LIN7B: variants seen among roughly 807,000 people sequenced by gnomAD.
LIN7B encodes the protein protein lin-7 homolog B.
A neutral mutation model predicts 27.9 loss-of-function variants in LIN7B; 16 were observed. The ratio of observed to expected loss-of-function variants is 0.57; its 90% CI spans 0.39 to 0.87. The LOEUF (loss-of-function observed/expected upper bound fraction) is 0.87, where lower values mean the gene tolerates loss of function less well. Ranked by LOEUF, LIN7B falls within the 40% of genes least tolerant of loss-of-function variation. The probability of loss-of-function intolerance (pLI) is 0.00; values close to 1 mark genes in which losing one functional copy is unlikely to be tolerated. For synonymous variants in LIN7B, 147 were observed against 120.8 expected (o/e 1.22, Z -1.42); for missense variants, 291 against 288.5 (o/e 1.01, Z -0.06).
intron 5 of LIN7B, 112 bp from the exon 6 acceptor site, chr19:49,118,240 T>C: frequency 7.2e-7 from 1 of 1,381,130 alleles, no homozygotes. Context: ...CTACTGTGGC[T>C]GGGATCCCTC....
chr19:49,116,561 A>AGT, intron 4 of LIN7B, 89 bp downstream of exon 4: 1 of 1,195,638 alleles, frequency 8.4e-7, no homozygotes. Flanking sequence ...ACACACACTG[A>AGT]GTGTTGTCTG....
intron 4 of LIN7B, 43 bp downstream of exon 4, chr19:49,116,515 T>C (rs1264178060): frequency 2.0e-6 from 3 of 1,531,856 alleles, no homozygotes; most frequent in East Asian, 4.5e-5. Context: ...ACAGTCTGTC[T>C]AACGTAGCAT....
chr19:49,115,436 T>A, intron 3 of LIN7B, 105 bp downstream of exon 3: 1 of 1,015,216 alleles, frequency 9.9e-7, no homozygotes, highest in Non-Finnish European at 1.5e-6. Context: ...TGATTTTTGC[T>A]AAATCTATGT....
In LIN7B at chr19:49,114,972, G is replaced by T. The variant is rs1216723842; in HGVS notation, c.156+5G>T. On this transcript the variant is annotated splice_donor_5th_base_variant and intron_variant, in intron 2 of 5. Coordinates refer to ENST00000221459, the MANE Select transcript of LIN7B (RefSeq NM_022165.3). Reference sequence around the variant, plus strand: ...TTCTGCTCCGCTATCCGAGAGGTGAGGGGCGCGCGGCGCAGGGGCGCGAGC... The same window carrying T: ...TTCTGCTCCGCTATCCGAGAGGTGATGGGCGCGCGGCGCAGGGGCGCGAGC... 7.1e-7 allele frequency: 1 copy of T among 1,417,148 alleles called. No individual in the cohort carries two copies. Among genetic ancestry groups the T allele is most frequent in the East Asian group, 2.8e-5 (1 of 36,120 alleles). 87.8% of individuals were successfully genotyped at this position (1,417,148 alleles called of 1,614,324 possible). A position where few individuals can be genotyped will look rare whatever the true frequency, so the allele number is the denominator to read the frequency against.
Position 49,114,923 on chromosome 19 carries a change from C to G in LIN7B, c.112C>G (p.Leu38Val). Residue 38 changes from leucine (L) to valine (V), a missense_variant, in exon 2 of 6, where the codon CTC becomes GTC. By Grantham distance (32) the Leu-to-Val change is conservative. Transcript: ENST00000221459. Reference protein sequence around the residue: ...GELPPQKLQALQRVLQSRFCS... With the variant: ...GELPPQKLQAVQRVLQSRFCS... ...GCTGCCGCCGCAGAAGCTGCAGGCC[C>G]TCCAGCGAGTTCTGCAGAGCCGCTT... 6.8e-7 allele frequency: 1 copy of G among 1,472,202 alleles called. No homozygotes were observed. The highest frequency in any genetic ancestry group is 9.0e-7 in the Non-Finnish European group (1 of 1,112,914). 91.2% of individuals were successfully genotyped at this position (1,472,202 alleles called of 1,614,324 possible).
At chr19:49,115,478 T>A (rs1218567357) in intron 3 of LIN7B, 147 bp downstream of exon 3, 2 of 703,884 alleles carry the variant, frequency 2.8e-6, no homozygotes, top group South Asian at 3.8e-5. Context: ...AATCGCACAT[T>A]TTTAACTTAA....
chr19:49,116,046 T>A, intron 3 of LIN7B: 1 of 497,992 alleles, frequency 2.0e-6, no homozygotes, highest in Non-Finnish European at 3.5e-6. Context: ...AAGTATGGGG[T>A]ATTCAAGACA....
Position 49,116,482 on chromosome 19 carries a change from G to A in LIN7B, c.438+10G>A. 1 of 1,611,778 alleles carries A rather than the reference G, an allele frequency of 6.2e-7. No homozygotes were observed. The stretch of plus-strand genomic sequence containing the variant: ...GTCGGTGAACGGTGTGGTGAGTGGA[G>A]GGCTGAGGCAGGACTGGGGGACACA... On this transcript the variant is annotated intron_variant, in intron 4 of 5. Transcript: ENST00000221459.
In LIN7B at chr19:49,118,369, G is replaced by A; in HGVS notation, c.620G>A (p.Gly207Asp). The A allele has an allele frequency of 6.2e-7, 1 of 1,614,164 alleles. No individual in the cohort carries two copies. Among genetic ancestry groups the A allele is most frequent in the South Asian group, 1.1e-5 (1 of 91,084 alleles). The change falls in exon 6 of 6, where the codon GGT becomes GAT. Residue 207 changes from glycine (G) to aspartate (D), a missense_variant. Physicochemically the swap from Gly to Asp is moderately conservative, Grantham distance 94. Transcript: ENST00000221459. The part of the protein sequence containing the change: ...HQSYSSLESR[G>D] Reference sequence around the variant, plus strand: ...CCTTGCAGGTCCTTGGAGTCTCGAGGTTGAAACCACAGATCTGGACGTTCA... The same window carrying A: ...CCTTGCAGGTCCTTGGAGTCTCGAGATTGAAACCACAGATCTGGACGTTCA...
rs1282330870 is a variant in LIN7B, at chr19:49,117,413, A to G, written c.439-442A>G. Among the ~76,000 whole-genome samples the G allele has an allele frequency of 2.6e-5, 4 of 152,068 alleles. No homozygotes were observed. In the South Asian group the frequency reaches 6.2e-4, roughly 24 times the overall value. ...GGAGGGGTGAGCCAGGGATAAACTC[A>G]GCTTGCAGGTGCAGAAGGACCACTC... On this transcript the variant is annotated intron_variant, in intron 4 of 5. Coordinates refer to ENST00000221459, the MANE Select transcript of LIN7B (RefSeq NM_022165.3).
rs1156953790 is a variant in LIN7B, at chr19:49,115,295, C to T, written c.192C>T (p.Thr64=). The change falls in exon 3 of 6, where the codon ACC becomes ACT. Residue 64 remains threonine (T), a synonymous_variant. Coordinates refer to ENST00000221459, the MANE Select transcript of LIN7B (RefSeq NM_022165.3). ...YEQLYDTLDI[T]GSAEIRAHAT... is the part of the protein sequence containing the mutation. ...AGCTTTATGACACGCTGGACATCAC[C>T]GGCAGCGCCGAGATCCGAGCCCATG... 4 of 1,567,704 alleles carry T rather than the reference C, an allele frequency of 2.6e-6. No homozygotes were observed. The highest frequency in any genetic ancestry group is 1.4e-5 in the African/African-American group (1 of 73,836).
At position 49,116,432 on chromosome 19, in the gene LIN7B, G is replaced by T; in HGVS notation, c.398G>T (p.Gly133Val). The part of the protein sequence containing the change: ...IPGGVADRHG[G>V]LKRGDQLLSV... Reference sequence around the variant, plus strand: ...GGGGGTGTGGCTGACCGCCATGGAGGCCTCAAGCGTGGGGATCAACTGTTG... The same window carrying T: ...GGGGGTGTGGCTGACCGCCATGGAGTCCTCAAGCGTGGGGATCAACTGTTG... The change falls in exon 4 of 6, where the codon GGC (glycine) becomes GTC (valine). Residue 133 changes from glycine (G) to valine (V), a missense_variant. Transcript: ENST00000221459. 6.2e-7 allele frequency: 1 copy of T among 1,614,240 alleles called. No homozygotes were observed. The highest frequency in any genetic ancestry group is 8.5e-7 in the Non-Finnish European group (1 of 1,180,030).
intron 3 of LIN7B, 43 bp downstream of exon 3, chr19:49,115,374 C>G (rs757314872): frequency 1.1e-5 from 17 of 1,489,596 alleles, no homozygotes; most frequent in African/African-American, 4.2e-5. Flanking sequence ...ATTTAACTGC[C>G]TAGTCGAACT....
intron 4 of LIN7B, among the ~76,000 whole-genome samples, chr19:49,117,329 G>A (rs1212459411): frequency 2.0e-5 from 3 of 151,924 alleles, no homozygotes; most frequent in Non-Finnish European, 4.4e-5. Flanking sequence ...CAGCCATACA[G>A]GACCTGAGTG....
At chr19:49,115,193 G>A (rs1568427534) in intron 2 of LIN7B, 67 bp from the exon 3 acceptor site, 5 of 1,409,350 alleles carry the variant, frequency 3.5e-6, no homozygotes, top group Non-Finnish European at 4.9e-6. Flanking sequence ...GGGTCTAGAG[G>A]CCTGAACTCC....
Position 49,114,948 on chromosome 19 carries a change from T to G in LIN7B, c.137T>G (p.Phe46Cys). The change falls in exon 2 of 6, where the codon TTC becomes TGC. Residue 46 changes from phenylalanine (F) to cysteine (C), a missense_variant. Transcript: ENST00000221459. ...CTCCAGCGAGTTCTGCAGAGCCGCT[T>G]CTGCTCCGCTATCCGAGAGGTGAGG... ...QALQRVLQSRFCSAIREVYEQ... is the reference protein window; with the variant it reads ...QALQRVLQSRCCSAIREVYEQ... The G allele has an allele frequency of 7.0e-7, 1 of 1,433,980 alleles. No individual in the cohort carries two copies. The highest frequency in any genetic ancestry group is 9.1e-7 in the Non-Finnish European group (1 of 1,095,214). The allele number at this position is 1,433,980 out of a possible 1,614,324, so 88.8% of individuals were successfully genotyped here.
At chr19:49,115,908 G>A (rs2040818190) in intron 3 of LIN7B, 1 of 182,112 alleles carries the variant, frequency 5.5e-6, no homozygotes, top group Non-Finnish European at 1.1e-5. Context: ...AACTCCGGAG[G>A]CTGAGACAGG....
At position 49,118,335 on chromosome 19, in the gene LIN7B, G is replaced by C. The variant is rs1060967; in HGVS notation, c.603-17G>C. Reference sequence around the variant, plus strand: ...GAGCCTCCCTGATCCCGGGTCCCTTGTCCACCCCCCTTGCAGGTCCTTGGA... The same window carrying C: ...GAGCCTCCCTGATCCCGGGTCCCTTCTCCACCCCCCTTGCAGGTCCTTGGA... On this transcript the variant is annotated splice_polypyrimidine_tract_variant and intron_variant, in intron 5 of 5. Transcript: ENST00000221459. 0.37 allele frequency: 602,981 copies of C among 1,611,932 alleles called. 114,458 individuals carry two copies. The highest frequency in any genetic ancestry group is 0.43 in the Admixed American group (26,076 of 59,980).
chr19:49,115,177 G>A, intron 2 of LIN7B, 83 bp from the exon 3 acceptor site: 3 of 1,229,280 alleles, frequency 2.4e-6, no homozygotes, highest in South Asian at 2.9e-5. Flanking sequence ...GCGTGGTAGC[G>A]GGAGAGGGTC....
Sources: gnomAD v4.1 joint callset for allele counts (sites outside exome capture counted in the v4.1 genomes callset) on GRCh38, gnomAD v4.1.1 for gene constraint, MANE v1.5 for transcripts, NCBI Gene and HGNC (gene_info 2026-07-23, HGNC 2026-07-21) for gene names.